The following RBCK1 variants were observed in gnomAD, a reference collection of about 807,000 sequenced individuals.
The protein encoded by RBCK1 is RANBP2-type and C3HC4-type zinc finger containing 1, also known as ranBP-type and C3HC4-type zinc finger-containing protein 1.
RBCK1 carries 44 observed loss-of-function variants against 71.1 expected under a neutral mutation model. The ratio of observed to expected loss-of-function variants is 0.62; its 90% CI spans 0.49 to 0.80. The LOEUF (loss-of-function observed/expected upper bound fraction) is 0.80, where lower values mean the gene tolerates loss of function less well. Among genes scored for constraint, RBCK1 ranks in the 30% least tolerant of loss-of-function variants. The pLI, the probability that RBCK1 is intolerant of heterozygous loss-of-function variation, is 0.00. For missense variants in RBCK1, 569 were observed against 685.0 expected (o/e 0.83, Z 1.89); for synonymous variants, 306 against 279.7 (o/e 1.09, Z -0.94).
intron 6 of RBCK1, chr20:420,339 C>T: frequency 1.0e-6 from 1 of 984,850 alleles, no homozygotes; most frequent in South Asian, 4.7e-5. Flanking sequence ...TCCCCGAGTG[C>T]TCCCCATTCT....
chr20:426,361 T>C (rs2016714889), intron 8 of RBCK1, among the ~76,000 whole-genome samples: 1 of 152,242 alleles, frequency 6.6e-6, no homozygotes, highest in African/African-American at 2.4e-5. Context: ...CACTACCCTT[T>C]GCAGCCTCTG....
Position 417,638 on chromosome 20 carries a change from G to A in RBCK1, c.261+19G>A. ...GGACATGGTGAGTGAGGAGGCGGAGGGCGACACTGGGGTGAAGGCTCTCCC... is the reference window on the plus strand; with the variant it reads ...GGACATGGTGAGTGAGGAGGCGGAGAGCGACACTGGGGTGAAGGCTCTCCC... On this transcript the variant is annotated intron_variant, in intron 3 of 11. Coordinates refer to ENST00000356286, the MANE Select transcript of RBCK1 (RefSeq NM_031229.4). The surrounding 1 kb of genome is among the most constrained non-coding windows in gnomAD (Gnocchi z 4.7). 6.2e-7 allele frequency: 1 copy of A among 1,611,074 alleles called. No individual in the cohort carries two copies. The highest frequency in any genetic ancestry group is 8.5e-7 in the Non-Finnish European group (1 of 1,177,558).
At chr20:426,662 T>C (rs1480030945) in intron 8 of RBCK1, among the ~76,000 whole-genome samples, 4 of 152,232 alleles carry the variant, frequency 2.6e-5, no homozygotes, top group Non-Finnish European at 5.9e-5. Context: ...TGTGAGAAAA[T>C]AGACATAACA....
intron 9 of RBCK1, 52 bp downstream of exon 9, chr20:427,544 C>A: frequency 6.3e-7 from 1 of 1,585,906 alleles, no homozygotes. Flanking sequence ...TTGCCTGGAG[C>A]TCACCACACT....
In RBCK1 at chr20:417,983, T is replaced by G; in HGVS notation, c.460+53T>G. On this transcript the variant is annotated intron_variant, in intron 4 of 11. Transcript: ENST00000356286. The surrounding 1 kb of genome is among the most constrained non-coding windows in gnomAD (Gnocchi z 4.7). ...ACCCAGCGGGGGCCCTGGACTCACT[T>G]GAGGGCATAGGGCAAGCAGGGGCAG... 17 of 1,545,360 alleles carry G rather than the reference T, an allele frequency of 1.1e-5. No individual in the cohort carries two copies. The highest frequency in any genetic ancestry group is 1.4e-5 in the Non-Finnish European group (16 of 1,145,508).
In RBCK1 at chr20:408,501, C is replaced by T; in HGVS notation, c.-257C>T. The stretch of plus-strand genomic sequence containing the variant: ...CCCACCTCGGCTGGTCCCGTTTCCT[C>T]CTGCGCCCAGTGCGGACCTGTCTCG... On this transcript the variant is annotated 5_prime_UTR_variant, in exon 1 of 12. Coordinates refer to ENST00000356286, the MANE Select transcript of RBCK1 (RefSeq NM_031229.4). The T allele has an allele frequency of 1.8e-6, 1 of 565,638 alleles. No homozygotes were observed. Among genetic ancestry groups the T allele is most frequent in the Non-Finnish European group, 3.1e-6 (1 of 319,750 alleles). The allele number at this position is 565,638 out of a possible 1,614,324, so 35.0% of individuals were successfully genotyped here.
intron 8 of RBCK1, among the ~76,000 whole-genome samples, chr20:424,413 A>C (rs1600305221): frequency 6.6e-6 from 1 of 151,868 alleles, no homozygotes. Context: ...AAACACATAC[A>C]CAGACCTCCT....
chr20:408,564 G>GGCCT lies in RBCK1; in HGVS notation c.-192_-189dup, dbSNP rs1251962751. The GGCCT allele has an allele frequency of 1.0e-5, 7 of 697,144 alleles. No individual in the cohort carries two copies. Among genetic ancestry groups the GGCCT allele is most frequent in the Non-Finnish European group, 2.5e-6 (1 of 402,272 alleles). 43.2% of individuals were successfully genotyped at this position (697,144 alleles called of 1,614,324 possible). A position where few individuals can be genotyped will look rare whatever the true frequency, so the allele number is the denominator to read the frequency against. ...CTCTCACCGCCCCACGCAGGATCCC[G>GGCCT]GCCTGGTCACCGGGCAGTGTGATGC... On this transcript the variant is annotated 5_prime_UTR_variant, in exon 1 of 12. Transcript: ENST00000356286.
intron 4 of RBCK1, among the ~76,000 whole-genome samples, chr20:418,594 T>C (rs778815783): frequency 6.6e-6 from 1 of 152,118 alleles, no homozygotes; most frequent in Non-Finnish European, 1.5e-5. Context: ...GGTCTCGATC[T>C]CCTGACTTTG....
chr20:427,009 T>A (rs76531088), intron 8 of RBCK1, among the ~76,000 whole-genome samples: 3 of 145,394 alleles, frequency 2.1e-5, no homozygotes, highest in East Asian at 2.0e-4. Context: ...TTTAAAAAAA[T>A]TTTTTGGTAG....
chr20:426,106 A>G (rs1435994186), intron 8 of RBCK1, among the ~76,000 whole-genome samples: 1 of 152,196 alleles, frequency 6.6e-6, no homozygotes, highest in Non-Finnish European at 1.5e-5. Flanking sequence ...GTTGGTGTAT[A>G]TATTTCTGGG....
At chr20:412,265 C>T (rs1466385444) in intron 2 of RBCK1, among the ~76,000 whole-genome samples, 1 of 152,026 alleles carries the variant, frequency 6.6e-6, no homozygotes, top group Non-Finnish European at 1.5e-5. Flanking sequence ...TTTTCATGCA[C>T]ATATTTTCTT....
rs767424433 is a variant in RBCK1, at chr20:432,097, C to T, written c.*1667C>T. Among the ~76,000 whole-genome samples the T allele has an allele frequency of 6.6e-6, 1 of 152,164 alleles. No individual in the cohort carries two copies. The highest frequency in any genetic ancestry group is 1.5e-5 in the Non-Finnish European group (1 of 68,046). ...GCCCATCTTTTTAAATTGGCAACATCGTTTACCACATTAAAATCTAGATGC... is the reference window on the plus strand; with the variant it reads ...GCCCATCTTTTTAAATTGGCAACATTGTTTACCACATTAAAATCTAGATGC... On this transcript the variant is annotated 3_prime_UTR_variant, in exon 12 of 12. Coordinates refer to ENST00000356286, the MANE Select transcript of RBCK1 (RefSeq NM_031229.4). This position sits in a 1 kb window ranked among gnomAD's most constrained non-coding sequence, Gnocchi z 4.3.
In RBCK1 at chr20:430,326, T is replaced by G; in HGVS notation, c.1453-24T>G. 6.3e-7 allele frequency: 1 copy of G among 1,577,550 alleles called. No homozygotes were observed. The highest frequency in any genetic ancestry group is 8.7e-7 in the Non-Finnish European group (1 of 1,147,148). On this transcript the variant is annotated intron_variant, in intron 11 of 11. Transcript: ENST00000356286. The surrounding 1 kb of genome is among the most constrained non-coding windows in gnomAD (Gnocchi z 5.6). ...CAGTCTCTGCACTGCGCTGACATTCTCTTCTCTTCCTCCCATCCTCTAGGG... is the reference window on the plus strand; with the variant it reads ...CAGTCTCTGCACTGCGCTGACATTCGCTTCTCTTCCTCCCATCCTCTAGGG...
At chr20:418,014 CT>C (rs2016102931) in intron 4 of RBCK1, 84 bp downstream of exon 4, 1 of 1,404,076 alleles carries the variant, frequency 7.1e-7, no homozygotes, top group Admixed American at 2.4e-5. Flanking sequence ...GGCAGAGCCC[CT>C]GGGTTTTTAG....
chr20:408,603 C>T lies in RBCK1; in HGVS notation c.-155C>T. ...GCAGTGTGATGCTTCCCGACTGCCGCGGGGACAGCGAGGCACACACAGGGC... is the reference window on the plus strand; with the variant it reads ...GCAGTGTGATGCTTCCCGACTGCCGTGGGGACAGCGAGGCACACACAGGGC... On this transcript the variant is annotated 5_prime_UTR_variant, in exon 1 of 12. Transcript: ENST00000356286. 2 of 908,296 alleles carry T rather than the reference C, an allele frequency of 2.2e-6. No individual in the cohort carries two copies. Among genetic ancestry groups the T allele is most frequent in the South Asian group, 2.8e-5 (2 of 70,496 alleles). 56.3% of individuals were successfully genotyped at this position (908,296 alleles called of 1,614,324 possible).
intron 2 of RBCK1, among the ~76,000 whole-genome samples, chr20:415,097 G>A (rs1208040826): frequency 1.3e-5 from 2 of 152,064 alleles, no homozygotes; most frequent in Admixed American, 6.6e-5. Flanking sequence ...AGGACTTGGC[G>A]GGGCACGATG....
At chr20:410,668 G>A (rs913575859) in intron 2 of RBCK1, 5 of 693,210 alleles carry the variant, frequency 7.2e-6, no homozygotes, top group Non-Finnish European at 1.1e-5. Flanking sequence ...GGATACTGTC[G>A]GTCTGTGCTC....
At chr20:421,217 C>T (rs1238069678) in intron 7 of RBCK1, among the ~76,000 whole-genome samples, 186 bp downstream of exon 7, 1 of 152,172 alleles carries the variant, frequency 6.6e-6, no homozygotes, top group East Asian at 1.9e-4. Context: ...CAGCGCCTTA[C>T]CCCAGGCCCA....
Sources: gnomAD v4.1 joint callset for allele counts (sites outside exome capture counted in the v4.1 genomes callset) on GRCh38, gnomAD v4.1.1 for gene constraint, Gnocchi (gnomAD v3.1) non-coding constraint, MANE v1.5 for transcripts, NCBI Gene and HGNC (gene_info 2026-07-23, HGNC 2026-07-21) for gene names.